TENM3: variants seen among roughly 807,000 people sequenced by gnomAD.
TENM3 encodes the protein teneurin transmembrane protein 3, also known as teneurin-3.
TENM3 carries 63 observed loss-of-function variants against 255.1 expected under a neutral mutation model. That is an observed-to-expected ratio of 0.25 (90% CI 0.20 to 0.30). The LOEUF (loss-of-function observed/expected upper bound fraction) is 0.30. Ranked by LOEUF, TENM3 falls within the 10% of genes least tolerant of loss-of-function variation. TENM3 has a pLI of 1.00. For missense variants in TENM3, 2,929 were observed against 3,461.1 expected (o/e 0.85, Z 3.86); for synonymous variants, 1,306 against 1,322.3 (o/e 0.99, Z 0.27).
the TENM3 span, among the ~76,000 whole-genome samples, chr4:181,628,325 T>C: frequency 3.9e-5 from 6 of 152,088 alleles, no homozygotes; most frequent in Non-Finnish European, 5.9e-5. Flanking sequence ...TGTGCAGAAG[T>C]TCTTTAGTTT....
the TENM3 span, among the ~76,000 whole-genome samples, chr4:181,831,968 TTGTGTGTGTGTGTGTG>T: frequency 8.4e-4 from 112 of 132,712 alleles, 1 homozygote; most frequent in African/African-American, 1.2e-3. Context: ...ATATATTACA[TTGTGTGTGTGTGTGTG>T]TGTGTGTGTG....
intron 1 of TENM3, among the ~76,000 whole-genome samples, chr4:182,282,552 A>G (rs1216062112): frequency 1.3e-5 from 2 of 152,054 alleles, no homozygotes; most frequent in Non-Finnish European, 2.9e-5. Flanking sequence ...CTTGTCTGGA[A>G]CCTGAAATTT....
the TENM3 span, among the ~76,000 whole-genome samples, chr4:181,839,462 A>C: frequency 1.9e-3 from 279 of 145,072 alleles, 2 homozygotes; most frequent in African/African-American, 6.7e-3. Flanking sequence ...ATATATATCT[A>C]TATATATATA....
the TENM3 span, among the ~76,000 whole-genome samples, chr4:181,706,449 A>G: frequency 6.6e-6 from 1 of 152,208 alleles, no homozygotes; most frequent in Non-Finnish European, 1.5e-5. Flanking sequence ...GTTGTGGCAC[A>G]GCACAGTCCC....
At chr4:181,861,658 A>C in the TENM3 span, among the ~76,000 whole-genome samples, 1 of 152,106 alleles carries the variant, frequency 6.6e-6, no homozygotes, top group African/African-American at 2.4e-5. Context: ...ATACCCAGAT[A>C]AGTAAATTTA....
At chr4:181,606,098 CT>C in the TENM3 span, among the ~76,000 whole-genome samples, 2 of 152,144 alleles carry the variant, frequency 1.3e-5, no homozygotes, top group Admixed American at 6.5e-5. Flanking sequence ...CAATTCTACC[CT>C]CAGATTACAT....
the TENM3 span, among the ~76,000 whole-genome samples, chr4:181,839,382 T>TAC: frequency 0.2 from 11,918 of 59,660 alleles, 1,369 homozygotes; most frequent in Non-Finnish European, 0.23. Context: ...TATATATATA[T>TAC]ATACACCTAT....
chr4:182,737,074 T>C lies in TENM3; in HGVS notation c.3234T>C (p.Val1078=), dbSNP rs1461343724. ...AAGTCTATGGTCTATCTGAAGCTGT[T>C]GGTAAGTTCCATATAAATCTTTGCT... ...NQKVYGLSEA[V]VSVGYEYESC... The change falls in exon 17 of 28, where the codon GTT becomes GTC. Residue 1078 remains valine (V), a splice_region_variant and synonymous_variant. Coordinates refer to ENST00000511685, the MANE Select transcript of TENM3 (RefSeq NM_001080477.4). 2 of 1,611,162 alleles carry C rather than the reference T, an allele frequency of 1.2e-6. No homozygotes were observed. Among genetic ancestry groups the C allele is most frequent in the East Asian group, 4.5e-5 (2 of 44,856 alleles).
In TENM3 at chr4:182,665,209, C is replaced by T. The variant is rs149856534; in HGVS notation, c.1112-7796C>T. On this transcript the variant is annotated intron_variant, in intron 6 of 27. Coordinates refer to ENST00000511685, the MANE Select transcript of TENM3 (RefSeq NM_001080477.4). ...ATTGACCATTCCTAGAATCCTAGGG[C>T]CCTTAAGAATTATGCTAATTCTACT... is the stretch of plus-strand genomic sequence containing the variant. 3.8e-3 allele frequency among the ~76,000 whole-genome samples: 581 copies of T among 152,220 alleles called. 5 individuals carry two copies. Among genetic ancestry groups the T allele is most frequent in the African/African-American group, 0.013 (560 of 41,522 alleles).
chr4:182,698,598 TATTTTCCACTAAAG>T (rs1415138145), intron 12 of TENM3, among the ~76,000 whole-genome samples: 24 of 152,334 alleles, frequency 1.6e-4, no homozygotes, highest in Non-Finnish European at 3.1e-4. Flanking sequence ...GTTGGTGATT[TATTTTCCACTAAAG>T]AATTTCCCAA....
At chr4:181,493,322 G>T in the TENM3 span, among the ~76,000 whole-genome samples, 1 of 147,508 alleles carries the variant, frequency 6.8e-6, no homozygotes, top group African/African-American at 2.5e-5. Flanking sequence ...AAAAATTCTA[G>T]ATGAAGTCTG....
At chr4:181,561,056 G>A in the TENM3 span, among the ~76,000 whole-genome samples, 1 of 152,122 alleles carries the variant, frequency 6.6e-6, no homozygotes, top group Non-Finnish European at 1.5e-5. Context: ...GGGTTCAAGC[G>A]ATTCTCCTGC....
At chr4:181,989,797 G>T in the TENM3 span, among the ~76,000 whole-genome samples, 1 of 152,046 alleles carries the variant, frequency 6.6e-6, no homozygotes, top group Non-Finnish European at 1.5e-5. Context: ...ACTAAGACCT[G>T]TTTTTTAATG....
At chr4:181,875,353 T>C in the TENM3 span, among the ~76,000 whole-genome samples, 1 of 152,162 alleles carries the variant, frequency 6.6e-6, no homozygotes, top group Non-Finnish European at 1.5e-5. Flanking sequence ...ACCTTCATTA[T>C]TCATTAGTTT....
chr4:181,501,270 G>T, the TENM3 span, among the ~76,000 whole-genome samples: 1 of 152,148 alleles, frequency 6.6e-6, no homozygotes, highest in Non-Finnish European at 1.5e-5. Flanking sequence ...AGATCTGGGA[G>T]ATGTCCCAGC....
At chr4:181,545,393 G>A in the TENM3 span, among the ~76,000 whole-genome samples, 6 of 152,250 alleles carry the variant, frequency 3.9e-5, no homozygotes, top group East Asian at 7.7e-4. Context: ...GATAAAACAA[G>A]GCACCTCAAG....
chr4:182,213,453 CAA>C (rs1579748036), intron 1 of TENM3, among the ~76,000 whole-genome samples: 1 of 152,152 alleles, frequency 6.6e-6, no homozygotes. Context: ...CATCATACCC[CAA>C]AAGGTGTAAA....
At chr4:181,587,366 A>C in the TENM3 span, among the ~76,000 whole-genome samples, 3 of 151,890 alleles carry the variant, frequency 2.0e-5, no homozygotes, top group Admixed American at 2.0e-4. Context: ...TGCTGAAGCC[A>C]CTCCTATCCT....
At chr4:182,044,440 G>A in the TENM3 span, among the ~76,000 whole-genome samples, 2,794 of 152,204 alleles carry the variant, frequency 0.018, 93 homozygotes, top group African/African-American at 0.064. Flanking sequence ...CTAAGGTCAC[G>A]CAGATATTTT....
Sources: gnomAD v4.1 joint callset for allele counts (sites outside exome capture counted in the v4.1 genomes callset) on GRCh38, gnomAD v4.1.1 for gene constraint, MANE v1.5 for transcripts, NCBI Gene and HGNC (gene_info 2026-07-23, HGNC 2026-07-21) for gene names.